The following SOX6 variants were observed in gnomAD, a reference collection of about 807,000 sequenced individuals.
The protein encoded by SOX6 is transcription factor SOX-6.
A neutral mutation model predicts 97.8 loss-of-function variants in SOX6; 11 were observed. That is an observed-to-expected ratio of 0.11 (90% CI 0.07 to 0.19). The LOEUF (loss-of-function observed/expected upper bound fraction) is 0.19, where lower values mean the gene tolerates loss of function less well. Among genes scored for constraint, SOX6 ranks in the 10% least tolerant of loss-of-function variants. The pLI is 1.00. For synonymous variants in SOX6, 360 were observed against 371.4 expected, an observed-to-expected ratio of 0.97 and a Z score of 0.35; for missense variants, 810 against 1,039.5, an observed-to-expected ratio of 0.78 and a Z score of 3.04.
intron 3 of SOX6, among the ~76,000 whole-genome samples, chr11:16,263,525 A>G (rs540711149): frequency 6.6e-4 from 101 of 152,124 alleles, no homozygotes; most frequent in Non-Finnish European, 1.0e-3. Context: ...GGAAGAAAGG[A>G]TAATCCATAG....
At chr11:16,066,998 T>G (rs1006702854) in intron 9 of SOX6, among the ~76,000 whole-genome samples, 3 of 152,170 alleles carry the variant, frequency 2.0e-5, no homozygotes, top group African/African-American at 7.2e-5. Context: ...GCCCCTTTGT[T>G]TTGGCCAATT....
intron 1 of SOX6, among the ~76,000 whole-genome samples, chr11:16,426,287 A>C (rs1156884901): frequency 6.5e-5 from 8 of 123,886 alleles, no homozygotes; most frequent in Non-Finnish European, 1.0e-4. Context: ...AAAAAAAAAA[A>C]AAAAAAAAAC....
chr11:16,229,838 C>G (rs1852795921), intron 4 of SOX6, among the ~76,000 whole-genome samples: 1 of 151,772 alleles, frequency 6.6e-6, no homozygotes, highest in Non-Finnish European at 1.5e-5. Context: ...ATAAGTAGTT[C>G]ATGTTATTTA....
chr11:15,985,439 C>T (rs897693221), intron 15 of SOX6, among the ~76,000 whole-genome samples: 2 of 152,070 alleles, frequency 1.3e-5, no homozygotes, highest in Non-Finnish European at 2.9e-5. Context: ...CTCAAATGGC[C>T]CTCTGGATTT....
chr11:16,686,621 G>C (rs964150891), intron 3 of SOX6, among the ~76,000 whole-genome samples: 31 of 152,178 alleles, frequency 2.0e-4, no homozygotes, highest in African/African-American at 7.2e-4. Context: ...TTTGTTCACA[G>C]CAATTTACTG....
intron 15 of SOX6, among the ~76,000 whole-genome samples, chr11:15,975,949 A>C (rs1283035607): frequency 6.6e-6 from 1 of 152,216 alleles, no homozygotes; most frequent in Non-Finnish European, 1.5e-5. Context: ...CAAGCAAATA[A>C]AACATCTGTA....
At chr11:16,563,684 C>T (rs1847839161) in intron 4 of SOX6, among the ~76,000 whole-genome samples, 1 of 152,098 alleles carries the variant, frequency 6.6e-6, no homozygotes, top group Admixed American at 6.5e-5. Flanking sequence ...AAGACAGTGA[C>T]ACTGAAAATG....
At chr11:16,618,397 A>T (rs1848497939) in intron 3 of SOX6, among the ~76,000 whole-genome samples, 1 of 151,952 alleles carries the variant, frequency 6.6e-6, no homozygotes, top group African/African-American at 2.4e-5. Flanking sequence ...ACTACAAAGC[A>T]ATATCCTCAA....
intron 1 of SOX6, among the ~76,000 whole-genome samples, chr11:16,379,849 G>A (rs1210183134): frequency 6.6e-6 from 1 of 152,038 alleles, no homozygotes; most frequent in African/African-American, 2.4e-5. Context: ...CTTACCTATA[G>A]ATGATCAGCT....
chr11:16,099,149 T>A (rs1848875210), intron 7 of SOX6, among the ~76,000 whole-genome samples: 1 of 151,816 alleles, frequency 6.6e-6, no homozygotes, highest in Non-Finnish European at 1.5e-5. Context: ...AACATTATAT[T>A]GTGCTGGTCT....
intron 1 of SOX6, among the ~76,000 whole-genome samples, chr11:16,473,326 G>A (rs1396752479): frequency 3.3e-5 from 5 of 152,142 alleles, no homozygotes; most frequent in Non-Finnish European, 7.4e-5. Context: ...AAGTTATGTT[G>A]ACACTATACT....
intron 4 of SOX6, among the ~76,000 whole-genome samples, chr11:16,208,636 A>G (rs901142536): frequency 1.3e-5 from 2 of 152,252 alleles, no homozygotes; most frequent in African/African-American, 4.8e-5. Context: ...AAGGAAAACA[A>G]CTAACTGTAT....
intron 2 of SOX6, among the ~76,000 whole-genome samples, chr11:16,734,426 T>C (rs1848375822): frequency 6.6e-6 from 1 of 152,228 alleles, no homozygotes; most frequent in Non-Finnish European, 1.5e-5. Flanking sequence ...TCAATGACAC[T>C]AACCTCTCCT....
At chr11:16,290,191 C>A (rs765517298) in intron 3 of SOX6, among the ~76,000 whole-genome samples, 4 of 151,890 alleles carry the variant, frequency 2.6e-5, no homozygotes, top group Admixed American at 1.3e-4. Context: ...CTAACAAACA[C>A]AACCAAAGCA....
chr11:16,010,561 C>T (rs1317120304), intron 13 of SOX6, among the ~76,000 whole-genome samples: 1 of 151,676 alleles, frequency 6.6e-6, no homozygotes, highest in African/African-American at 2.4e-5. Flanking sequence ...TGCAGCAAAA[C>T]AGAAACAAAA....
intron 9 of SOX6, among the ~76,000 whole-genome samples, chr11:16,057,027 C>A (rs773920230): frequency 6.6e-6 from 1 of 152,140 alleles, no homozygotes; most frequent in Admixed American, 6.6e-5. Context: ...CCACAGCTTG[C>A]AGGATGACCT....
At chr11:16,498,020 T>C (rs1860635540) in intron 4 of SOX6, among the ~76,000 whole-genome samples, 1 of 152,128 alleles carries the variant, frequency 6.6e-6, no homozygotes. Context: ...AACTGTCAGA[T>C]TCACCAAAGT....
intron 3 of SOX6, among the ~76,000 whole-genome samples, chr11:16,656,418 G>A (rs1343558182): frequency 1.3e-5 from 2 of 151,934 alleles, no homozygotes; most frequent in African/African-American, 4.8e-5. Context: ...GAGTCTTTAT[G>A]GTCCATGAAT....
intron 3 of SOX6, among the ~76,000 whole-genome samples, chr11:16,649,283 C>A (rs1286991603): frequency 6.6e-6 from 1 of 152,146 alleles, no homozygotes; most frequent in Admixed American, 6.6e-5. Flanking sequence ...CTGGGAAATT[C>A]ATTGCAGAAA....
Sources: gnomAD v4.1 joint callset for allele counts (sites outside exome capture counted in the v4.1 genomes callset) on GRCh38, gnomAD v4.1.1 for gene constraint, MANE v1.5 for transcripts, NCBI Gene and HGNC (gene_info 2026-07-23, HGNC 2026-07-21) for gene names.